The following C3orf20 variants were observed in gnomAD, a reference collection of about 807,000 sequenced individuals.
C3orf20 encodes family with sequence similarity 149 member C.
In C3orf20, 76 loss-of-function variants were observed where a neutral mutation model predicts 88.3. That is an observed-to-expected ratio of 0.86 (90% confidence interval 0.72 to 1.04). The LOEUF (loss-of-function observed/expected upper bound fraction) is 1.04. Among genes scored for constraint, C3orf20 ranks in the 50% least tolerant of loss-of-function variants. The pLI is 0.00. For synonymous variants in C3orf20, 436 were observed against 437.4 expected (o/e 1.00, Z 0.04); for missense variants, 1,056 against 1,123.3 (o/e 0.94, Z 0.86).
Position 14,726,897 on chromosome 3 carries a change from C to A in C3orf20, c.1567-4C>A. Reference sequence around the variant, plus strand: ...CACCCGCCCTCCCCTTTGCCCCTCTCCAGCTGAACCGCAGAATCAGCAACA... The same window carrying A: ...CACCCGCCCTCCCCTTTGCCCCTCTACAGCTGAACCGCAGAATCAGCAACA... On this transcript the variant is annotated splice_polypyrimidine_tract_variant and splice_region_variant and intron_variant, in intron 10 of 16. Coordinates refer to ENST00000253697, the MANE Select transcript of C3orf20 (RefSeq NM_032137.5). The A allele has an allele frequency of 6.2e-7, 1 of 1,613,994 alleles. No individual in the cohort carries two copies. The highest frequency in any genetic ancestry group is 8.5e-7 in the Non-Finnish European group (1 of 1,180,004).
At chr3:14,695,171 G>A (rs2032939538) in intron 5 of C3orf20, among the ~76,000 whole-genome samples, 1 of 152,106 alleles carries the variant, frequency 6.6e-6, no homozygotes, top group Non-Finnish European at 1.5e-5. Context: ...TATCCCACAG[G>A]TTTTGGTATG....
intron 12 of C3orf20, among the ~76,000 whole-genome samples, chr3:14,742,895 C>T (rs2034952757): frequency 6.6e-6 from 1 of 152,086 alleles, no homozygotes; most frequent in African/African-American, 2.4e-5. Context: ...TGGGAAAGAC[C>T]AGCCCACGTG....
intron 4 of C3orf20, 122 bp downstream of exon 4, chr3:14,684,504 G>A (rs1466416274): frequency 1.5e-6 from 2 of 1,300,974 alleles, no homozygotes; most frequent in Admixed American, 4.9e-5. Flanking sequence ...TGGATGTGGA[G>A]CAACAGGGAT....
At chr3:14,685,384 C>T (rs1224903230) in intron 4 of C3orf20, among the ~76,000 whole-genome samples, 1 of 151,962 alleles carries the variant, frequency 6.6e-6, no homozygotes, top group Non-Finnish European at 1.5e-5. Context: ...ATCTGGAAGA[C>T]AGCAAGCAGT....
intron 8 of C3orf20, 112 bp downstream of exon 8, chr3:14,714,271 C>T: frequency 8.2e-7 from 1 of 1,226,170 alleles, no homozygotes; most frequent in East Asian, 2.5e-5. Flanking sequence ...AGGCGGTGTC[C>T]AGAGATCTAG....
At chr3:14,748,066 AT>A (rs1321076801) in intron 12 of C3orf20, among the ~76,000 whole-genome samples, 1 of 151,764 alleles carries the variant, frequency 6.6e-6, no homozygotes, top group African/African-American at 2.4e-5. Flanking sequence ...TCTTCTTTAA[AT>A]TTTAGGTAGA....
chr3:14,708,660 T>C (rs2033620515), intron 7 of C3orf20, among the ~76,000 whole-genome samples: 1 of 152,094 alleles, frequency 6.6e-6, no homozygotes, highest in Non-Finnish European at 1.5e-5. Flanking sequence ...GTTGTTGTTT[T>C]TGAGACAGAG....
In C3orf20 at chr3:14,720,291, A is replaced by G. The variant is rs1333607178; in HGVS notation, c.1435-1362A>G. On this transcript the variant is annotated intron_variant, in intron 9 of 16. Transcript: ENST00000253697. The stretch of plus-strand genomic sequence containing the variant: ...GTGATCCGCCCACCTTGGCCTCCCA[A>G]AATGCTGGGATTACAGGTGTGAGCC... Among the ~76,000 whole-genome samples, 3 of 152,164 alleles carry G rather than the reference A, an allele frequency of 2.0e-5. 1 individual carries two copies. In the East Asian group the frequency reaches 5.8e-4, roughly 29 times the overall value.
chr3:14,676,784 C>T (rs1469565906), intron 1 of C3orf20, among the ~76,000 whole-genome samples: 1 of 152,154 alleles, frequency 6.6e-6, no homozygotes, highest in South Asian at 2.1e-4. Flanking sequence ...AGAATCCACT[C>T]TAGGATGGCT....
chr3:14,705,202 C>T (rs1195273344), intron 7 of C3orf20, among the ~76,000 whole-genome samples: 1 of 152,238 alleles, frequency 6.6e-6, no homozygotes, highest in Non-Finnish European at 1.5e-5. Context: ...CAAAAGGAGA[C>T]ACATTTTCTC....
At chr3:14,703,314 G>A (rs766389204) in intron 6 of C3orf20, 52 bp downstream of exon 6, 2 of 1,609,814 alleles carry the variant, frequency 1.2e-6, no homozygotes, top group African/African-American at 2.7e-5. Context: ...CAGAAAGCCT[G>A]GCCCCCAGCT....
Position 14,737,925 on chromosome 3 carries a change from T to C in C3orf20, c.1940+9237T>C, listed in dbSNP as rs112019728. Among the ~76,000 whole-genome samples the C allele has an allele frequency of 5.5e-3, 835 of 152,316 alleles. 3 individuals carry two copies. Among genetic ancestry groups the C allele is most frequent in the Non-Finnish European group, 9.7e-3 (661 of 68,024 alleles). On this transcript the variant is annotated intron_variant, in intron 12 of 16. Coordinates refer to ENST00000253697, the MANE Select transcript of C3orf20 (RefSeq NM_032137.5). Reference sequence around the variant, plus strand: ...CTATCTCAACAAACCACTTTCTTTGTTTATCCATGAGAAGCAACTTTTCAT... The same window carrying C: ...CTATCTCAACAAACCACTTTCTTTGCTTATCCATGAGAAGCAACTTTTCAT...
chr3:14,744,197 A>G (rs2034994852), intron 12 of C3orf20, among the ~76,000 whole-genome samples: 1 of 151,958 alleles, frequency 6.6e-6, no homozygotes, highest in Non-Finnish European at 1.5e-5. Flanking sequence ...CTGCTTAGAA[A>G]TTTCTTCCAC....
chr3:14,717,438 A>G (rs1449429784), intron 9 of C3orf20, among the ~76,000 whole-genome samples: 1 of 152,044 alleles, frequency 6.6e-6, no homozygotes, highest in Non-Finnish European at 1.5e-5. Flanking sequence ...GGAGGCAAAA[A>G]TCTTCTGGGT....
intron 12 of C3orf20, among the ~76,000 whole-genome samples, chr3:14,735,666 T>C (rs2034683518): frequency 6.6e-6 from 1 of 151,988 alleles, no homozygotes; most frequent in Non-Finnish European, 1.5e-5. Context: ...CCATCACAGC[T>C]CACTGCAACC....
chr3:14,697,667 C>T (rs1360294351), intron 5 of C3orf20, among the ~76,000 whole-genome samples: 1 of 148,704 alleles, frequency 6.7e-6, no homozygotes. Context: ...TCATCATTTA[C>T]ATTAGGTATT....
chr3:14,763,278 C>T (rs2035610855), intron 15 of C3orf20, among the ~76,000 whole-genome samples: 1 of 152,174 alleles, frequency 6.6e-6, no homozygotes, highest in South Asian at 2.1e-4. Flanking sequence ...ACATTTATTT[C>T]CCACTGTCTG....
chr3:14,726,463 G>A (rs921523972), intron 10 of C3orf20, among the ~76,000 whole-genome samples: 3 of 152,282 alleles, frequency 2.0e-5, no homozygotes, highest in African/African-American at 4.8e-5. Context: ...AGGCTTTATC[G>A]TCCACTTACT....
At chr3:14,739,284 TAAAAA>T in intron 12 of C3orf20, among the ~76,000 whole-genome samples, 1 of 152,218 alleles carries the variant, frequency 6.6e-6, no homozygotes, top group Non-Finnish European at 1.5e-5. Context: ...TTAGTAGGCA[TAAAAA>T]TAATAATCTT....
Sources: allele counts gnomAD v4.1 joint callset (sites outside exome capture counted in the v4.1 genomes callset), GRCh38; gene constraint gnomAD v4.1.1; transcripts MANE v1.5; gene names NCBI Gene and HGNC (gene_info 2026-07-23, HGNC 2026-07-21).